CNTNAP3B: variants seen among roughly 807,000 people sequenced by gnomAD.
CNTNAP3B encodes the protein contactin associated protein family member 3B.
Under a neutral mutation model 108.9 loss-of-function variants are expected in CNTNAP3B, and 25 were observed. The observed-to-expected ratio is 0.23, with a 90% confidence interval of 0.17 to 0.32. The LOEUF is 0.32. Among genes scored for constraint, CNTNAP3B ranks in the 10% least tolerant of loss-of-function variants. The pLI, the probability that CNTNAP3B is intolerant of heterozygous loss-of-function variation, is 1.00. For synonymous variants in CNTNAP3B, 103 were observed against 473.4 expected (o/e 0.22, Z 10.16); for missense variants, 252 against 1,210.4 (o/e 0.21, Z 11.75).
chr9:41,959,567 T>C (rs1824995352), intron 12 of CNTNAP3B, among the ~76,000 whole-genome samples: 1 of 152,308 alleles, frequency 6.6e-6, no homozygotes, highest in Non-Finnish European at 1.5e-5. Context: ...ACCATTTTTA[T>C]GGGATTTCTC....
At chr9:41,939,594 T>C (rs1409452369) in intron 13 of CNTNAP3B, among the ~76,000 whole-genome samples, 1 of 152,292 alleles carries the variant, frequency 6.6e-6, no homozygotes, top group Non-Finnish European at 1.5e-5. Context: ...AGCTTGTCAC[T>C]ACAACGTAAA....
At chr9:41,956,310 C>T (rs144786310) in intron 12 of CNTNAP3B, among the ~76,000 whole-genome samples, 16,994 of 146,986 alleles carry the variant, frequency 0.12, 500 homozygotes, top group South Asian at 0.18. Flanking sequence ...CATTTGAACC[C>T]GGGAGGTGGA....
At chr9:42,063,341 GT>G (rs1173549394) in intron 3 of CNTNAP3B, among the ~76,000 whole-genome samples, 1 of 132,776 alleles carries the variant, frequency 7.5e-6, no homozygotes, top group Non-Finnish European at 1.6e-5. Context: ...GTTATGTTTT[GT>G]TTTTTTCCTT....
intron 11 of CNTNAP3B, among the ~76,000 whole-genome samples, chr9:41,962,934 G>A (rs539896347): frequency 1.3e-4 from 20 of 151,486 alleles, no homozygotes; most frequent in African/African-American, 3.9e-4. Context: ...CAGCCTGGGC[G>A]ACAGAGCAAG....
At chr9:42,071,817 G>A (rs994221612) in intron 3 of CNTNAP3B, among the ~76,000 whole-genome samples, 1 of 144,970 alleles carries the variant, frequency 6.9e-6, no homozygotes, top group African/African-American at 2.6e-5. Context: ...GGAGTGTGAA[G>A]GAATGGAAGT....
At position 41,931,167 on chromosome 9, in the gene CNTNAP3B, T is replaced by C. The variant is rs1470476959; in HGVS notation, c.2238-1723A>G. On this transcript the variant is annotated intron_variant, in intron 14 of 23. Transcript: ENST00000377561. ...TTGCAACACTTTTGTATTTTCAGAA[T>C]AAGGCTTTCTGAATTAAAAAAAATT... Among the ~76,000 whole-genome samples, 6 of 152,416 alleles carry C rather than the reference T, an allele frequency of 3.9e-5. No individual in the cohort carries two copies. In the East Asian group the frequency reaches 5.8e-4, roughly 15 times the overall value.
At chr9:41,968,989 G>T (rs1280789181) in intron 10 of CNTNAP3B, among the ~76,000 whole-genome samples, 16 of 152,384 alleles carry the variant, frequency 1.0e-4, no homozygotes, top group African/African-American at 3.8e-4. Flanking sequence ...GTAGAGACGG[G>T]GTTTCACCAT....
At chr9:42,076,522 C>T (rs1392607248) in intron 3 of CNTNAP3B, among the ~76,000 whole-genome samples, 5 of 119,492 alleles carry the variant, frequency 4.2e-5, no homozygotes, top group Non-Finnish European at 6.8e-5. Flanking sequence ...CTGTACTTGT[C>T]ATACACACAG....
intron 18 of CNTNAP3B, among the ~76,000 whole-genome samples, chr9:41,918,240 C>T (rs1267476919): frequency 2.0e-5 from 3 of 150,544 alleles, no homozygotes; most frequent in Admixed American, 6.6e-5. Flanking sequence ...ATTTGAAGAC[C>T]AACCCTCCTT....
At chr9:42,127,933 C>T (rs1172266204) in intron 1 of CNTNAP3B, among the ~76,000 whole-genome samples, 1 of 139,542 alleles carries the variant, frequency 7.2e-6, no homozygotes, top group African/African-American at 2.8e-5. Context: ...GGTTATCCTG[C>T]AATAATCTAA....
chr9:42,096,139 G>A (rs1827894540), intron 2 of CNTNAP3B, among the ~76,000 whole-genome samples: 1 of 140,022 alleles, frequency 7.1e-6, no homozygotes, highest in Non-Finnish European at 1.5e-5. Context: ...ATGTGCCGCA[G>A]CACAATGAGG....
At chr9:41,977,442 T>A (rs1227468049) in intron 9 of CNTNAP3B, among the ~76,000 whole-genome samples, 2 of 139,988 alleles carry the variant, frequency 1.4e-5, no homozygotes, top group Non-Finnish European at 3.1e-5. Context: ...TTAATACAAT[T>A]TGAGGCACAT....
At chr9:42,024,935 C>G (rs926647594) in intron 3 of CNTNAP3B, among the ~76,000 whole-genome samples, 1 of 144,192 alleles carries the variant, frequency 6.9e-6, no homozygotes, top group Non-Finnish European at 1.5e-5. Flanking sequence ...TTTCTTACAA[C>G]AGTGATATAT....
chr9:42,055,255 T>A (rs1236736404), intron 3 of CNTNAP3B, among the ~76,000 whole-genome samples: 2 of 135,030 alleles, frequency 1.5e-5, no homozygotes, highest in South Asian at 2.4e-4. Flanking sequence ...TGATTTTTCT[T>A]ATATGTCCTT....
Position 41,934,186 on chromosome 9 carries a change from C to CATATATATATAT in CNTNAP3B, c.2237+4057_2237+4058insATATATATATAT, listed in dbSNP as rs1159447535. On this transcript the variant is annotated intron_variant, in intron 14 of 23. Transcript: ENST00000377561. ...ACACACACATATATATACACACACA[C>CATATATATATAT]ACATATATATATACATACACACACA... Among the ~76,000 whole-genome samples the CATATATATATAT allele has an allele frequency of 3.3e-4, 43 of 132,038 alleles. 1 individual carries two copies. The highest frequency in any genetic ancestry group is 2.3e-3 in the South Asian group (10 of 4,410). The allele number at this position is 132,038 out of a possible 152,430, so 86.6% of individuals were successfully genotyped here.
chr9:41,928,030 A>T (rs1823867871), intron 15 of CNTNAP3B, among the ~76,000 whole-genome samples: 1 of 151,942 alleles, frequency 6.6e-6, no homozygotes, highest in African/African-American at 2.4e-5. Context: ...CAAAATAAGC[A>T]TATTTCATTT....
At chr9:42,109,110 T>C (rs1828138895) in intron 1 of CNTNAP3B, among the ~76,000 whole-genome samples, 1 of 139,008 alleles carries the variant, frequency 7.2e-6, no homozygotes, top group Admixed American at 7.2e-5. Context: ...TTGCACTTAT[T>C]TAATAAAAGT....
intron 12 of CNTNAP3B, among the ~76,000 whole-genome samples, chr9:41,958,210 C>T (rs1251223826): frequency 3.9e-5 from 6 of 152,358 alleles, no homozygotes; most frequent in East Asian, 3.9e-4. Flanking sequence ...CAGGCTCAAG[C>T]GATCCTCCCA....
At position 42,119,181 on chromosome 9, in the gene CNTNAP3B, A is replaced by G. The variant is rs1198756593; in HGVS notation, c.85+9829T>C. Among the ~76,000 whole-genome samples the G allele has an allele frequency of 6.8e-5, 7 of 103,470 alleles. 1 individual carries two copies. The highest frequency in any genetic ancestry group is 1.2e-4 in the Non-Finnish European group (6 of 51,426). The allele number at this position is 103,470 out of a possible 152,430, so 67.9% of individuals were successfully genotyped here. ...AAAATCACAAGCATTCTTATACACC[A>G]ATAACAGACAAACAGAGAGCCAAAT... On this transcript the variant is annotated intron_variant, in intron 1 of 23. Coordinates refer to ENST00000377561, the MANE Select transcript of CNTNAP3B (RefSeq NM_001201380.3).
Sources: gnomAD v4.1 joint callset for allele counts (sites outside exome capture counted in the v4.1 genomes callset) on GRCh38, gnomAD v4.1.1 for gene constraint, MANE v1.5 for transcripts, NCBI Gene and HGNC (gene_info 2026-07-23, HGNC 2026-07-21) for gene names.